Variants in TMEM232 observed in about 807,000 individuals in gnomAD.
TMEM232 encodes transmembrane protein 232.
Under a neutral mutation model 78.8 loss-of-function variants are expected in TMEM232, and 80 were observed. The ratio of observed to expected loss-of-function variants is 1.01; its 90% CI spans 0.85 to 1.22. The LOEUF (loss-of-function observed/expected upper bound fraction) is 1.22, where lower values mean the gene tolerates loss of function less well. TMEM232 is among the 50% of genes most tolerant of loss of function. The pLI is 0.00. For missense variants in TMEM232, 881 were observed against 742.2 expected (o/e 1.19, Z -2.17); for synonymous variants, 297 against 254.3 (o/e 1.17, Z -1.60).
At chr5:110,428,013 T>C (rs1757429028) in intron 12 of TMEM232, among the ~76,000 whole-genome samples, 1 of 151,880 alleles carries the variant, frequency 6.6e-6, no homozygotes, top group Non-Finnish European at 1.5e-5. Flanking sequence ...CTTTTTTAGT[T>C]ATTTTAAAAT....
In TMEM232 at chr5:110,726,614, C is replaced by T. The variant is rs1798182192; in HGVS notation, c.-13+13G>A. 1 of 152,240 alleles carries T rather than the reference C, an allele frequency of 6.6e-6. No homozygotes were observed. The highest frequency in any genetic ancestry group is 2.4e-5 in the African/African-American group (1 of 41,440). The allele number at this position is 152,240 out of a possible 1,614,324, so 9.4% of individuals were successfully genotyped here. A position where few individuals can be genotyped will look rare whatever the true frequency, so the allele number is the denominator to read the frequency against. ...TCCCAAATCATCTGAAGCAGGACCT[C>T]TTAATCACTCACCGCTGCGCTCTGA... is the stretch of plus-strand genomic sequence containing the variant. On this transcript the variant is annotated intron_variant, in intron 1 of 13. Coordinates refer to ENST00000455884, the MANE Select transcript of TMEM232 (RefSeq NM_001039763.4).
chr5:110,543,622 G>A (rs1466210214), intron 11 of TMEM232, among the ~76,000 whole-genome samples: 1 of 152,036 alleles, frequency 6.6e-6, no homozygotes, highest in Admixed American at 6.6e-5. Context: ...ATACCTTTTA[G>A]TTTTATGGAG....
rs373974205 is a variant in TMEM232, at chr5:110,640,164, T to C, written c.343+727A>G. ...ACCTCAATATCATTTAAATTCTTAA[T>C]AGAGGTCAGGCTGTGGATGGCACTG... On this transcript the variant is annotated intron_variant, in intron 4 of 13. Transcript: ENST00000455884. Among the ~76,000 whole-genome samples the C allele has an allele frequency of 3.3e-5, 5 of 152,294 alleles. No individual in the cohort carries two copies. The East Asian group carries it at 7.7e-4, about 23-fold the overall frequency.
At chr5:110,418,802 T>C (rs1236095708), downstream of TMEM232, among the ~76,000 whole-genome samples, 1 of 152,162 alleles carries the variant, frequency 6.6e-6, no homozygotes, top group East Asian at 1.9e-4. Flanking sequence ...GTTTCAGAAA[T>C]TGGAGATACC....
rs1247144884 is a variant in TMEM232 at position 110,690,487 on chromosome 5, AGGATGT to A, written c.-12-23129_-12-23124del. Among the ~76,000 whole-genome samples, 15 of 152,322 alleles carry A rather than the reference AGGATGT, an allele frequency of 9.8e-5. No individual in the cohort carries two copies. In the East Asian group the frequency reaches 2.5e-3, roughly 25 times the overall value. ...AGTCAGGAAACAATGGATGCTATAGAGGATGTGGAGAAATAGGAACGCTTTTACACT... is the reference window on the plus strand; with the variant it reads ...AGTCAGGAAACAATGGATGCTATAGAGGAGAAATAGGAACGCTTTTACACT... On this transcript the variant is annotated intron_variant, in intron 1 of 13. Transcript: ENST00000455884.
intron 10 of TMEM232, among the ~76,000 whole-genome samples, chr5:110,604,863 C>T (rs1225209784): frequency 1.3e-5 from 2 of 152,038 alleles, no homozygotes; most frequent in Non-Finnish European, 2.9e-5. Context: ...GAGGCTGAGG[C>T]AGGAGAAAGG....
At chr5:110,673,705 A>G (rs764694957) in intron 1 of TMEM232, among the ~76,000 whole-genome samples, 2 of 152,132 alleles carry the variant, frequency 1.3e-5, no homozygotes, top group South Asian at 2.1e-4. Context: ...GACCTGGATC[A>G]TTGGATTCTG....
chr5:110,416,308 C>T (rs1263344199), downstream of TMEM232, among the ~76,000 whole-genome samples: 2 of 152,210 alleles, frequency 1.3e-5, no homozygotes, highest in Non-Finnish European at 2.9e-5. Context: ...ATTGGCACAA[C>T]AGTTTCATGA....
At chr5:110,432,322 C>T (rs1757946760) in intron 12 of TMEM232, among the ~76,000 whole-genome samples, 1 of 151,584 alleles carries the variant, frequency 6.6e-6, no homozygotes, top group Non-Finnish European at 1.5e-5. Context: ...ATATTGGGGG[C>T]CCACATTTAG....
downstream of TMEM232, among the ~76,000 whole-genome samples, chr5:110,415,574 A>G (rs1470924397): frequency 2.0e-5 from 3 of 151,868 alleles, no homozygotes; most frequent in Middle Eastern, 3.2e-3. Context: ...CTATGAGGCC[A>G]TAAGTCTCAT....
intron 10 of TMEM232, among the ~76,000 whole-genome samples, chr5:110,587,221 C>T (rs527259778): frequency 2.6e-5 from 4 of 152,024 alleles, no homozygotes; most frequent in Non-Finnish European, 5.9e-5. Context: ...CAGAGACACA[C>T]ACACACAATA....
At chr5:110,541,908 C>T (rs1773166703) in intron 11 of TMEM232, among the ~76,000 whole-genome samples, 2 of 152,138 alleles carry the variant, frequency 1.3e-5, no homozygotes, top group South Asian at 2.1e-4. Flanking sequence ...AACTAACCAG[C>T]AACCCTAAAT....
At chr5:110,679,610 T>C (rs1455166911) in intron 1 of TMEM232, among the ~76,000 whole-genome samples, 2 of 152,214 alleles carry the variant, frequency 1.3e-5, no homozygotes, top group East Asian at 3.9e-4. Context: ...CCAGGTCATC[T>C]AGATTTTTAT....
chr5:110,407,180 T>A (rs1755823794), intron 2 of TMEM232, among the ~76,000 whole-genome samples: 1 of 152,054 alleles, frequency 6.6e-6, no homozygotes, highest in Non-Finnish European at 1.5e-5. Flanking sequence ...ATATACCTTA[T>A]ATAACTCCTT....
At chr5:110,558,196 C>T (rs980366079) in intron 11 of TMEM232, among the ~76,000 whole-genome samples, 1 of 152,098 alleles carries the variant, frequency 6.6e-6, no homozygotes, top group African/African-American at 2.4e-5. Context: ...GTTTGGTCTG[C>T]TGGCAACATC....
intron 3 of TMEM232, among the ~76,000 whole-genome samples, chr5:110,641,627 A>G (rs1228792002): frequency 6.6e-6 from 1 of 152,196 alleles, no homozygotes; most frequent in East Asian, 1.9e-4. Flanking sequence ...GAACTGGAAA[A>G]TAACACCACT....
rs955325601 is a variant in TMEM232 at position 110,603,054 on chromosome 5, C to A, written c.1276+2055G>T. 3.9e-4 allele frequency among the ~76,000 whole-genome samples: 59 copies of A among 152,024 alleles called. 1 individual carries two copies. The highest frequency in any genetic ancestry group is 1.3e-4 in the Non-Finnish European group (9 of 68,024). On this transcript the variant is annotated intron_variant, in intron 10 of 13. Transcript: ENST00000455884. ...ACTCACATAGGAACAGAAAACCAAACATTGCATGTTCTCACTCATAAGTGG... is the reference window on the plus strand; with the variant it reads ...ACTCACATAGGAACAGAAAACCAAAAATTGCATGTTCTCACTCATAAGTGG...
rs1262927716 is a variant in TMEM232, at chr5:110,525,059, C to A, written c.1703+3529G>T. ...TCTAAAATGAGTTTCTTATAAACAG[C>A]CCAATTTTTTAATATAAAACTGCTT... is the stretch of plus-strand genomic sequence containing the variant. On this transcript the variant is annotated intron_variant, in intron 12 of 13. Coordinates refer to ENST00000455884, the MANE Select transcript of TMEM232 (RefSeq NM_001039763.4). Among the ~76,000 whole-genome samples the A allele has an allele frequency of 2.0e-5, 3 of 151,776 alleles. No homozygotes were observed. The East Asian group carries it at 5.8e-4, about 29-fold the overall frequency.
At chr5:110,442,031 C>A (rs1759111311) in intron 12 of TMEM232, among the ~76,000 whole-genome samples, 1 of 151,886 alleles carries the variant, frequency 6.6e-6, no homozygotes, top group Non-Finnish European at 1.5e-5. Flanking sequence ...TTCTCTCCTG[C>A]TGCTTTTAGG....
Sources: gnomAD v4.1 joint callset for allele counts (sites outside exome capture counted in the v4.1 genomes callset) on GRCh38, gnomAD v4.1.1 for gene constraint, MANE v1.5 for transcripts, NCBI Gene and HGNC (gene_info 2026-07-23, HGNC 2026-07-21) for gene names.